Variants in DENND2B observed in about 807,000 individuals in gnomAD.
The protein encoded by DENND2B is DENN domain containing 2B, also known as DENN domain-containing protein 2B.
In DENND2B, 32 loss-of-function variants were observed where a neutral mutation model predicts 116.0. The ratio of observed to expected loss-of-function variants is 0.28; its 90% CI spans 0.21 to 0.37. DENND2B has a LOEUF of 0.37. DENND2B is among the 10% of genes least tolerant of loss of function. The pLI is 1.00. For synonymous variants in DENND2B, 588 were observed against 583.9 expected (o/e 1.01, Z -0.10); for missense variants, 1,276 against 1,477.7 (o/e 0.86, Z 2.24).
chr11:8,893,601 T>C (rs2064060646), intron 1 of DENND2B, among the ~76,000 whole-genome samples: 2 of 152,030 alleles, frequency 1.3e-5, no homozygotes, highest in Admixed American at 6.5e-5. Flanking sequence ...TATACACCAA[T>C]AACAGACAAA....
intron 3 of DENND2B, among the ~76,000 whole-genome samples, chr11:8,847,908 CAA>C (rs1296454811): frequency 1.3e-5 from 2 of 152,214 alleles, no homozygotes; most frequent in African/African-American, 2.4e-5. Context: ...CGCAAATGAT[CAA>C]AGTCTTTGAA....
chr11:8,751,992 G>A (rs557263803), intron 1 of DENND2B, among the ~76,000 whole-genome samples: 1 of 152,270 alleles, frequency 6.6e-6, no homozygotes, highest in South Asian at 2.1e-4. Flanking sequence ...CCATGTCCAC[G>A]GCAAATGTGA....
intron 1 of DENND2B, chr11:8,785,862 T>C (rs953589115): frequency 2.6e-5 from 4 of 152,186 alleles, no homozygotes; most frequent in African/African-American, 7.2e-5. Flanking sequence ...AAAATAATGT[T>C]CTAATAGAAG....
intron 4 of DENND2B, among the ~76,000 whole-genome samples, chr11:8,823,903 CTTTT>C (rs71059183): frequency 8.9e-5 from 11 of 123,062 alleles, no homozygotes; most frequent in Non-Finnish European, 1.2e-4. Flanking sequence ...TCTTCTTCTT[CTTTT>C]TTTTTTTTTT....
intron 1 of DENND2B, among the ~76,000 whole-genome samples, chr11:8,757,911 T>C (rs778084912): frequency 4.6e-5 from 7 of 152,176 alleles, no homozygotes; most frequent in Non-Finnish European, 1.0e-4. Context: ...TTTTTTCTGA[T>C]TAGGAAATTT....
intron 1 of DENND2B, among the ~76,000 whole-genome samples, chr11:8,910,470 T>C (rs2064303630): frequency 6.6e-6 from 1 of 152,012 alleles, no homozygotes; most frequent in Admixed American, 6.6e-5. Context: ...CTCGTCTCAC[T>C]GCAACCTCCG....
At chr11:8,778,466 G>A (rs1429778629) in intron 1 of DENND2B, among the ~76,000 whole-genome samples, 1 of 152,164 alleles carries the variant, frequency 6.6e-6, no homozygotes, top group Non-Finnish European at 1.5e-5. Flanking sequence ...CTCCACATGT[G>A]TCTATGTGCC....
At chr11:8,797,270 A>G (rs189146149) in intron 1 of DENND2B, among the ~76,000 whole-genome samples, 1 of 152,324 alleles carries the variant, frequency 6.6e-6, no homozygotes, top group East Asian at 1.9e-4. Context: ...AGTAAACATT[A>G]CACTAATGTC....
chr11:8,708,378 T>C lies in DENND2B; in HGVS notation c.2353-524A>G, dbSNP rs1032008149. ...AACAAGAGATGGGAGCTACTGTTTA[T>C]GGAACATTTGCTATACCTGACTCCT... On this transcript the variant is annotated intron_variant, in intron 11 of 19. Transcript: ENST00000313726. 3 of 970,068 alleles carry C rather than the reference T, an allele frequency of 3.1e-6. No individual in the cohort carries two copies. In the African/African-American group the frequency reaches 5.3e-5, roughly 17 times the overall value. The allele number at this position is 970,068 out of a possible 1,614,324, so 60.1% of individuals were successfully genotyped here.
At chr11:8,742,511 C>T (rs906101554) in intron 2 of DENND2B, among the ~76,000 whole-genome samples, 4 of 152,140 alleles carry the variant, frequency 2.6e-5, no homozygotes, top group Admixed American at 6.5e-5. Flanking sequence ...TGTTGAAAAG[C>T]TTGTCAGCTG....
intron 1 of DENND2B, among the ~76,000 whole-genome samples, chr11:8,794,144 A>T (rs2059615728): frequency 6.6e-6 from 1 of 152,236 alleles, no homozygotes. Context: ...TATTTTAAAA[A>T]ATGTCTTAAA....
upstream of DENND2B, chr11:8,811,361 G>A (rs184123041): frequency 1.8e-3 from 702 of 398,512 alleles, 1 homozygote; most frequent in Non-Finnish European, 2.8e-3. Flanking sequence ...AAGACAACTC[G>A]GTCAGGACCA....
At chr11:8,797,096 C>T (rs965864023) in intron 1 of DENND2B, among the ~76,000 whole-genome samples, 27 of 152,152 alleles carry the variant, frequency 1.8e-4, no homozygotes, top group Admixed American at 3.9e-4. Flanking sequence ...GTGGCAAGAA[C>T]ACATGCTTGG....
chr11:8,855,853 G>GC (rs1225247257), intron 3 of DENND2B, among the ~76,000 whole-genome samples: 3 of 152,132 alleles, frequency 2.0e-5, no homozygotes, highest in Non-Finnish European at 4.4e-5. Flanking sequence ...AATAAGGAAA[G>GC]GGGATACATT....
At chr11:8,708,265 C>G in intron 11 of DENND2B, 1 of 985,456 alleles carries the variant, frequency 1.0e-6, no homozygotes, top group African/African-American at 1.7e-5. Context: ...GCTTTTTAGC[C>G]CCATAGGGCA....
At chr11:8,906,178 A>G (rs1024235660) in intron 1 of DENND2B, among the ~76,000 whole-genome samples, 2 of 150,322 alleles carry the variant, frequency 1.3e-5, no homozygotes, top group African/African-American at 4.9e-5. Context: ...TATGTACATT[A>G]TACCTCAATA....
In DENND2B at chr11:8,697,547, G is replaced by A. The variant is rs777958789; in HGVS notation, c.3030C>T (p.Asp1010=). 3 of 1,613,996 alleles carry A rather than the reference G, an allele frequency of 1.9e-6. No homozygotes were observed. Among genetic ancestry groups the A allele is most frequent in the Non-Finnish European group, 2.5e-6 (3 of 1,179,932 alleles). The change falls in exon 17 of 20, where the codon GAC becomes GAT. Residue 1010 remains aspartate (D), a synonymous_variant. Transcript: ENST00000313726. Reference sequence around the variant, plus strand: ...CACCATCGTCGGAGTCGCTGTCAGAGTCCTGGGAGATCAGCTCATTCTTCC... The same window carrying A: ...CACCATCGTCGGAGTCGCTGTCAGAATCCTGGGAGATCAGCTCATTCTTCC... ...LERKNELISQ[D]SDSDSDDECN...
intron 2 of DENND2B, among the ~76,000 whole-genome samples, chr11:8,869,027 T>C (rs1014659639): frequency 6.6e-6 from 1 of 152,260 alleles, no homozygotes; most frequent in Non-Finnish European, 1.5e-5. Context: ...AGAGTCAGTG[T>C]ATTTTACATG....
At chr11:8,725,659 G>A (rs374971638) in intron 4 of DENND2B, among the ~76,000 whole-genome samples, 10 of 152,178 alleles carry the variant, frequency 6.6e-5, no homozygotes, top group African/African-American at 1.7e-4. Context: ...TGCCCGGCTC[G>A]AAATATTATT....
Sources: allele counts gnomAD v4.1 joint callset (sites outside exome capture counted in the v4.1 genomes callset), GRCh38; gene constraint gnomAD v4.1.1; transcripts MANE v1.5; gene names NCBI Gene and HGNC (gene_info 2026-07-23, HGNC 2026-07-21).